The following LRMDA variants were observed in gnomAD, a reference collection of about 807,000 sequenced individuals.
LRMDA encodes the protein leucine rich melanocyte differentiation associated, also known as leucine-rich melanocyte differentiation-associated protein.
A neutral mutation model predicts 29.8 loss-of-function variants in LRMDA; 18 were observed. The observed-to-expected ratio is 0.60, with a 90% CI of 0.42 to 0.90. The LOEUF is 0.90. Among genes scored for constraint, LRMDA ranks in the 40% least tolerant of loss-of-function variants. The pLI is 0.00. For missense variants in LRMDA, 273 were observed against 273.9 expected, an observed-to-expected ratio of 1.00 and a Z score of 0.02; for synonymous variants, 125 against 109.4, an observed-to-expected ratio of 1.14 and a Z score of -0.89.
chr10:75,708,063 T>G (rs1359136962), intron 2 of LRMDA, among the ~76,000 whole-genome samples: 1 of 152,200 alleles, frequency 6.6e-6, no homozygotes, highest in Non-Finnish European at 1.5e-5. Context: ...TCACTTAAGA[T>G]GAGGAGTGAT....
At chr10:75,682,434 GGT>G (rs143384483) in intron 2 of LRMDA, among the ~76,000 whole-genome samples, 6 of 150,026 alleles carry the variant, frequency 4.0e-5, no homozygotes, top group Non-Finnish European at 8.9e-5. Context: ...TGTGTGTGGG[GGT>G]GTGTGTGTGT....
Position 76,559,771 on chromosome 10 carries a change from G to C in LRMDA, c.*2483G>C, listed in dbSNP as rs1843601784. Reference sequence around the variant, plus strand: ...TCTTCCTTTTATCCTATTCCACTGAGCTTGTTCTTTGGGGATTGTGGTGCC... The same window carrying C: ...TCTTCCTTTTATCCTATTCCACTGACCTTGTTCTTTGGGGATTGTGGTGCC... On this transcript the variant is annotated 3_prime_UTR_variant, in exon 7 of 7. Coordinates refer to ENST00000611255, the MANE Select transcript of LRMDA (RefSeq NM_001305581.2). 6.6e-6 allele frequency: 1 copy of C among 152,200 alleles called. No homozygotes were observed. The highest frequency in any genetic ancestry group is 2.4e-5 in the African/African-American group (1 of 41,442). 9.4% of individuals were successfully genotyped at this position (152,200 alleles called of 1,614,324 possible).
intron 5 of LRMDA, among the ~76,000 whole-genome samples, chr10:76,111,128 A>T (rs767915551): frequency 2.0e-5 from 3 of 151,858 alleles, no homozygotes; most frequent in Non-Finnish European, 2.9e-5. Flanking sequence ...GCTTGTTATC[A>T]CTTCCCCTGG....
chr10:76,542,054 CGTGTGTGTGTGT>C (rs34637437), intron 6 of LRMDA, among the ~76,000 whole-genome samples: 1 of 150,156 alleles, frequency 6.7e-6, no homozygotes, highest in Non-Finnish European at 1.5e-5. Flanking sequence ...GGTGTGTGCA[CGTGTGTGTGTGT>C]GTGTGTGTGT....
At chr10:75,628,889 G>A (rs1394051397) in intron 2 of LRMDA, among the ~76,000 whole-genome samples, 1 of 152,176 alleles carries the variant, frequency 6.6e-6, no homozygotes, top group Non-Finnish European at 1.5e-5. Flanking sequence ...CTGCTTCGTG[G>A]CATCACTGCC....
At chr10:76,478,609 A>G (rs11001796) in intron 6 of LRMDA, among the ~76,000 whole-genome samples, 105,385 of 151,864 alleles carry the variant, frequency 0.69, 37,973 homozygotes, top group Non-Finnish European at 0.81. Flanking sequence ...TATGTTTATT[A>G]CAGCACTATT....
intron 2 of LRMDA, among the ~76,000 whole-genome samples, chr10:75,700,341 AT>A (rs1842289906): frequency 6.6e-6 from 1 of 151,946 alleles, no homozygotes; most frequent in South Asian, 2.1e-4. Context: ...AATGAAAAAA[AT>A]ATAAAGCAGT....
At chr10:75,695,799 A>C (rs1260501615) in intron 2 of LRMDA, among the ~76,000 whole-genome samples, 2 of 152,060 alleles carry the variant, frequency 1.3e-5, no homozygotes, top group African/African-American at 4.8e-5. Context: ...CTGCATCAGG[A>C]GGTTATTCTT....
At chr10:75,770,032 A>C (rs1328667549) in intron 2 of LRMDA, among the ~76,000 whole-genome samples, 1 of 152,140 alleles carries the variant, frequency 6.6e-6, no homozygotes, top group Non-Finnish European at 1.5e-5. Flanking sequence ...TGGTAATCCC[A>C]GAACTTTGGG....
At chr10:75,957,854 G>A (rs1213551476) in intron 2 of LRMDA, among the ~76,000 whole-genome samples, 1 of 152,118 alleles carries the variant, frequency 6.6e-6, no homozygotes, top group Non-Finnish European at 1.5e-5. Flanking sequence ...GGATGAGTTA[G>A]CTCCATCTGG....
At chr10:75,483,028 A>G (rs942032663) in intron 2 of LRMDA, among the ~76,000 whole-genome samples, 16 of 151,686 alleles carry the variant, frequency 1.1e-4, no homozygotes, top group Non-Finnish European at 1.5e-4. Context: ...TACTGCAACC[A>G]TCACCTCCCA....
intron 5 of LRMDA, among the ~76,000 whole-genome samples, chr10:76,126,257 C>A (rs1028080508): frequency 6.6e-6 from 1 of 152,222 alleles, no homozygotes; most frequent in Non-Finnish European, 1.5e-5. Context: ...TGCTTTCTCT[C>A]TCCTTCCCAC....
intron 2 of LRMDA, among the ~76,000 whole-genome samples, chr10:75,765,956 A>C (rs958998500): frequency 1.1e-4 from 17 of 152,102 alleles, no homozygotes; most frequent in African/African-American, 3.9e-4. Flanking sequence ...AGACAGGAGG[A>C]GCGCTCAGAA....
At chr10:76,148,939 T>C (rs1429386159) in intron 5 of LRMDA, among the ~76,000 whole-genome samples, 1 of 152,234 alleles carries the variant, frequency 6.6e-6, no homozygotes, top group Non-Finnish European at 1.5e-5. Context: ...AGTCTTTAGT[T>C]ATGCATACTT....
At chr10:75,776,989 G>A (rs940906961) in intron 2 of LRMDA, among the ~76,000 whole-genome samples, 1 of 152,250 alleles carries the variant, frequency 6.6e-6, no homozygotes, top group Non-Finnish European at 1.5e-5. Context: ...CGAGGAGGGG[G>A]CATTGCCCAT....
chr10:76,462,094 A>C lies in LRMDA; in HGVS notation c.602-95115A>C, dbSNP rs1446840841. On this transcript the variant is annotated intron_variant, in intron 6 of 6. Transcript: ENST00000611255. The stretch of plus-strand genomic sequence containing the variant: ...AAAAAAAACCACACACACACACACA[A>C]AAACAACAACAACCAAAAAAACCAG... Among the ~76,000 whole-genome samples the C allele has an allele frequency of 3.7e-4, 52 of 141,360 alleles. No homozygotes were observed. In the East Asian group the frequency reaches 5.1e-3, roughly 14 times the overall value. The allele number at this position is 141,360 out of a possible 152,430, so 92.7% of individuals were successfully genotyped here.
chr10:76,165,065 C>A (rs573886782), intron 5 of LRMDA, among the ~76,000 whole-genome samples: 1 of 152,322 alleles, frequency 6.6e-6, no homozygotes, highest in African/African-American at 2.4e-5. Flanking sequence ...CTCTGCCTCC[C>A]AGGTTCAAGC....
At chr10:76,192,642 G>A (rs1851266362) in intron 5 of LRMDA, among the ~76,000 whole-genome samples, 1 of 152,222 alleles carries the variant, frequency 6.6e-6, no homozygotes, top group Admixed American at 6.5e-5. Flanking sequence ...TTGGCTGGAT[G>A]TGATTTAAGC....
chr10:75,906,488 C>T (rs1177266351), intron 2 of LRMDA, among the ~76,000 whole-genome samples: 1 of 152,288 alleles, frequency 6.6e-6, no homozygotes, highest in African/African-American at 2.4e-5. Flanking sequence ...CGATTCCCAG[C>T]TTGCACTTCC....
Sources: allele counts gnomAD v4.1 joint callset (sites outside exome capture counted in the v4.1 genomes callset), GRCh38; gene constraint gnomAD v4.1.1; transcripts MANE v1.5; gene names NCBI Gene and HGNC (gene_info 2026-07-23, HGNC 2026-07-21).